The following CSNK1G3 variants were observed in gnomAD, a reference collection of about 807,000 sequenced individuals.
The protein encoded by CSNK1G3 is casein kinase 1 gamma 3.
CSNK1G3 carries 23 observed loss-of-function variants against 64.3 expected under a neutral mutation model. The observed-to-expected ratio is 0.36, with a 90% CI of 0.26 to 0.51. The LOEUF (loss-of-function observed/expected upper bound fraction) is 0.51. Among genes scored for constraint, CSNK1G3 ranks in the 20% least tolerant of loss-of-function variants. The pLI, the probability that CSNK1G3 is intolerant of heterozygous loss-of-function variation, is 0.96. For missense variants in CSNK1G3, 357 were observed against 510.5 expected (o/e 0.70, Z 2.90); for synonymous variants, 158 against 162.2 (o/e 0.97, Z 0.20).
chr5:123,575,920 A>G (rs1400782671), exon 6 of CSNK1G3: 1 of 1,613,168 alleles, frequency 6.2e-7, no homozygotes, highest in Non-Finnish European at 8.5e-7. Flanking sequence ...AGAGCCTTAC[A>G]GGAACAGCTA....
intron 6 of CSNK1G3, among the ~76,000 whole-genome samples, chr5:123,586,167 A>G (rs1791287636): frequency 6.6e-6 from 1 of 152,222 alleles, no homozygotes; most frequent in Admixed American, 6.5e-5. Context: ...AAGAATTTGG[A>G]CACGAATCTA....
chr5:123,608,151 C>T (rs1230330132), intron 12 of CSNK1G3, among the ~76,000 whole-genome samples: 2 of 152,112 alleles, frequency 1.3e-5, no homozygotes, highest in African/African-American at 4.8e-5. Context: ...TGACACGTAA[C>T]TAGGGACCTG....
At chr5:123,613,336 C>G (rs2083624613) in intron 12 of CSNK1G3, among the ~76,000 whole-genome samples, 1 of 151,818 alleles carries the variant, frequency 6.6e-6, no homozygotes. Flanking sequence ...GTGGCACAAT[C>G]ATAGATCAAA....
chr5:123,580,440 G>A (rs552908585), intron 6 of CSNK1G3, among the ~76,000 whole-genome samples: 2 of 152,024 alleles, frequency 1.3e-5, no homozygotes, highest in African/African-American at 4.8e-5. Flanking sequence ...TGTAGTATCT[G>A]TTGATCTTAA....
Position 123,575,618 on chromosome 5 carries a change from A to G in CSNK1G3, c.439-111A>G, listed in dbSNP as rs568867567. On this transcript the variant is annotated intron_variant, in intron 5 of 12. Transcript: ENST00000345990. ...ATTTTACTTTTAAAGGGTTGAAACAATTTCTGATTTATTTCTTTTGTATGT... is the reference window on the plus strand; with the variant it reads ...ATTTTACTTTTAAAGGGTTGAAACAGTTTCTGATTTATTTCTTTTGTATGT... 129 of 666,846 alleles carry G rather than the reference A, an allele frequency of 1.9e-4. 3 individuals are homozygous for G. In the South Asian group the frequency reaches 2.5e-3, roughly 13 times the overall value. 41.3% of individuals were successfully genotyped at this position (666,846 alleles called of 1,614,324 possible).
chr5:123,581,318 A>G (rs1028169438), intron 6 of CSNK1G3, among the ~76,000 whole-genome samples: 1 of 125,182 alleles, frequency 8.0e-6, no homozygotes, highest in African/African-American at 3.0e-5. Flanking sequence ...AGACAATTTT[A>G]TTTATACTTT....
intron 6 of CSNK1G3, among the ~76,000 whole-genome samples, chr5:123,583,844 C>A (rs969433497): frequency 2.6e-5 from 4 of 151,922 alleles, no homozygotes; most frequent in Admixed American, 1.3e-4. Context: ...CACACCCAGC[C>A]ACCAGCTAAT....
At chr5:123,559,507 A>G (rs762559114) in intron 4 of CSNK1G3, among the ~76,000 whole-genome samples, 1 of 152,208 alleles carries the variant, frequency 6.6e-6, no homozygotes, top group Non-Finnish European at 1.5e-5. Flanking sequence ...GCACAACTGC[A>G]GGGACCACCA....
chr5:123,540,862 A>G (rs1781569757), intron 1 of CSNK1G3, among the ~76,000 whole-genome samples: 1 of 152,144 alleles, frequency 6.6e-6, no homozygotes, highest in African/African-American at 2.4e-5. Context: ...TCTGACCTCA[A>G]GTGATATATA....
intron 1 of CSNK1G3, among the ~76,000 whole-genome samples, chr5:123,515,444 A>G (rs1034415675): frequency 3.9e-5 from 6 of 152,244 alleles, no homozygotes; most frequent in Non-Finnish European, 8.8e-5. Flanking sequence ...TAAAGAATGT[A>G]TATTTTCACA....
intron 6 of CSNK1G3, among the ~76,000 whole-genome samples, chr5:123,585,368 A>G (rs1195752149): frequency 6.6e-6 from 1 of 152,160 alleles, no homozygotes; most frequent in East Asian, 1.9e-4. Flanking sequence ...TAAAATTTCT[A>G]GAAGAAAAAA....
At chr5:123,604,949 A>G (rs886309746) in intron 11 of CSNK1G3, 119 bp downstream of exon 12, 1 of 684,206 alleles carries the variant, frequency 1.5e-6, no homozygotes. Flanking sequence ...TGCATGCAAA[A>G]CAAGTGGTAT....
At chr5:123,595,003 C>T (rs762126727) in intron 10 of CSNK1G3, 36 bp from the exon 11 acceptor site, 16 of 1,575,876 alleles carry the variant, frequency 1.0e-5, no homozygotes, top group Non-Finnish European at 1.3e-5. Flanking sequence ...GGTTTTTCTT[C>T]TTCCATGCAT....
At chr5:123,579,498 CTG>C (rs1025369588) in intron 6 of CSNK1G3, among the ~76,000 whole-genome samples, 14 of 151,794 alleles carry the variant, frequency 9.2e-5, no homozygotes, top group South Asian at 2.1e-4. Flanking sequence ...TGTTCAGAGT[CTG>C]TGAGAAATTT....
At chr5:123,581,364 T>C (rs1442271319) in intron 6 of CSNK1G3, among the ~76,000 whole-genome samples, 1 of 143,760 alleles carries the variant, frequency 7.0e-6, no homozygotes, top group Admixed American at 6.9e-5. Flanking sequence ...GGGTTTGTTT[T>C]TTTTTTTTTT....
chr5:123,579,283 A>T (rs1789787415), intron 6 of CSNK1G3, among the ~76,000 whole-genome samples: 1 of 97,634 alleles, frequency 1.0e-5, no homozygotes. Flanking sequence ...GAAAAATGTA[A>T]ATTTGCTGTT....
chr5:123,525,901 G>A (rs1778974698), intron 1 of CSNK1G3, among the ~76,000 whole-genome samples: 1 of 151,674 alleles, frequency 6.6e-6, no homozygotes, highest in African/African-American at 2.4e-5. Context: ...GGGAAGCTGA[G>A]GCAGGAGAAC....
At chr5:123,611,710 T>A (rs1355133037) in intron 12 of CSNK1G3, among the ~76,000 whole-genome samples, 1 of 152,218 alleles carries the variant, frequency 6.6e-6, no homozygotes, top group Non-Finnish European at 1.5e-5. Context: ...CTTTGGAATT[T>A]GAAAGGATAG....
intron 1 of CSNK1G3, among the ~76,000 whole-genome samples, chr5:123,534,295 A>C (rs535757425): frequency 1.9e-4 from 29 of 152,216 alleles, no homozygotes; most frequent in Admixed American, 4.6e-4. Context: ...GTACAACTAC[A>C]TAGGAGCTAA....
Sources: gnomAD v4.1 joint callset for allele counts (sites outside exome capture counted in the v4.1 genomes callset) on GRCh38, gnomAD v4.1.1 for gene constraint, MANE v1.5 for transcripts, NCBI Gene and HGNC (gene_info 2026-07-23, HGNC 2026-07-21) for gene names.